HMGB1: variants seen among roughly 807,000 people sequenced by gnomAD.
HMGB1 encodes high mobility group box 1.
For synonymous variants in HMGB1, 81 were observed against 84.0 expected (o/e 0.96, Z 0.19); for missense variants, 79 against 253.5 (o/e 0.31, Z 4.67).
chr13:30,565,423 C>T (rs183740605), intron 1 of HMGB1, among the ~76,000 whole-genome samples: 1 of 152,266 alleles, frequency 6.6e-6, no homozygotes, highest in Admixed American at 6.5e-5. Flanking sequence ...AGGCATTACT[C>T]AGGGGCATAG....
Position 30,538,451 on chromosome 13 carries a change from A to ATTCTTTCTTTCTTTCT in HMGB1, c.-14-74773_-14-74758dup, listed in dbSNP as rs760828749. 4.0e-3 allele frequency among the ~76,000 whole-genome samples: 366 copies of ATTCTTTCTTTCTTTCT among 90,644 alleles called. 49 individuals carry two copies. The highest frequency in any genetic ancestry group is 0.014 in the African/African-American group (255 of 17,724). 59.5% of individuals were successfully genotyped at this position (90,644 alleles called of 152,430 possible). On this transcript the variant is annotated intron_variant, in intron 1 of 4. Transcript: ENST00000405805. ...ACCACTGCAGTAACTAGTACTAGCA[A>ATTCTTTCTTTCTTTCT]TTCTTTCTTTCTTTCTTTCTTTCTT...
At chr13:30,478,949 AC>A (rs1887166067) in intron 1 of HMGB1, among the ~76,000 whole-genome samples, 4 of 149,988 alleles carry the variant, frequency 2.7e-5, no homozygotes, top group Non-Finnish European at 4.4e-5. Flanking sequence ...GCTCACTGCA[AC>A]CTCTGCCTCC....
intron 1 of HMGB1, among the ~76,000 whole-genome samples, chr13:30,575,714 G>C (rs1283644848): frequency 1.3e-5 from 2 of 152,098 alleles, no homozygotes; most frequent in Non-Finnish European, 2.9e-5. Context: ...CTAATGTGGG[G>C]TTAGTCAATG....
intron 1 of HMGB1, among the ~76,000 whole-genome samples, chr13:30,510,488 C>A (rs1390379169): frequency 6.6e-6 from 1 of 152,196 alleles, no homozygotes; most frequent in Non-Finnish European, 1.5e-5. Context: ...CCTCTGGAAT[C>A]CGTTACTAAA....
At chr13:30,528,491 C>G (rs1275612947) in intron 1 of HMGB1, among the ~76,000 whole-genome samples, 1 of 152,216 alleles carries the variant, frequency 6.6e-6, no homozygotes, top group East Asian at 1.9e-4. Flanking sequence ...TTTACACAAA[C>G]TTGTGAGGTC....
At chr13:30,519,408 T>A (rs6490467) in intron 1 of HMGB1, among the ~76,000 whole-genome samples, 48,330 of 137,464 alleles carry the variant, frequency 0.35, 8,974 homozygotes, top group African/African-American at 0.52. Flanking sequence ...AAAAAAAAAG[T>A]AAAAAGGCCG....
intron 1 of HMGB1, among the ~76,000 whole-genome samples, chr13:30,489,355 T>C (rs1446900169): frequency 1.3e-5 from 2 of 152,086 alleles, no homozygotes; most frequent in Non-Finnish European, 2.9e-5. Flanking sequence ...ACAAAAAAAC[T>C]CTTATTGAAG....
At chr13:30,487,634 C>T (rs1485562062) in intron 1 of HMGB1, among the ~76,000 whole-genome samples, 1 of 152,194 alleles carries the variant, frequency 6.6e-6, no homozygotes, top group African/African-American at 2.4e-5. Flanking sequence ...CCATTTCCTC[C>T]CCTTTTTCTT....
intron 1 of HMGB1, among the ~76,000 whole-genome samples, chr13:30,526,649 GACAGTGCTTGGCAC>G (rs1888374687): frequency 2.0e-5 from 3 of 152,202 alleles, no homozygotes; most frequent in Admixed American, 6.5e-5. Flanking sequence ...CGAGGAACCT[GACAGTGCTTGGCAC>G]ACAGCAAGAC....
At chr13:30,519,448 C>T (rs1238618297) in intron 1 of HMGB1, among the ~76,000 whole-genome samples, 1 of 151,072 alleles carries the variant, frequency 6.6e-6, no homozygotes. Flanking sequence ...GTAATCCCAG[C>T]ACTTTGGGAG....
rs190821221 is a variant in HMGB1, at chr13:30,486,069, A to T, written c.-14-22375T>A. Among the ~76,000 whole-genome samples the T allele has an allele frequency of 2.6e-5, 4 of 152,282 alleles. No homozygotes were observed. The East Asian group carries it at 7.7e-4, about 29-fold the overall frequency. On this transcript the variant is annotated intron_variant, in intron 1 of 4. Coordinates refer to the HMGB1 transcript ENST00000405805. ...CTGATGATAGAGGCCCAAGATAGGG[A>T]TGTTGGAGACAAGGCCAGATAAATA...
intron 1 of HMGB1, among the ~76,000 whole-genome samples, chr13:30,601,246 T>C (rs1404955862): frequency 6.6e-6 from 1 of 152,222 alleles, no homozygotes; most frequent in Admixed American, 6.5e-5. Flanking sequence ...GAAGTAATGA[T>C]AATCCACCAC....
chr13:30,495,682 G>A (rs373438597), intron 1 of HMGB1, among the ~76,000 whole-genome samples: 9 of 152,122 alleles, frequency 5.9e-5, no homozygotes, highest in African/African-American at 1.9e-4. Context: ...GTTTCACCGT[G>A]TTAGCCAGGA....
chr13:30,530,237 G>C (rs1164277179), intron 1 of HMGB1, among the ~76,000 whole-genome samples: 1 of 152,058 alleles, frequency 6.6e-6, no homozygotes, highest in Non-Finnish European at 1.5e-5. Flanking sequence ...TTACCTTCAG[G>C]CTACCTGTAT....
chr13:30,568,679 A>G (rs1256189766), intron 1 of HMGB1, among the ~76,000 whole-genome samples: 1 of 152,148 alleles, frequency 6.6e-6, no homozygotes, highest in Admixed American at 6.5e-5. Flanking sequence ...GGAAGCATAG[A>G]TGCAGTTACA....
chr13:30,465,143 G>T, intron 1 of HMGB1: 1 of 968,784 alleles, frequency 1.0e-6, no homozygotes, highest in Non-Finnish European at 1.2e-6. Flanking sequence ...CGCCGGGCCC[G>T]AGTCAGCCAT....
At position 30,568,176 on chromosome 13, in the gene HMGB1, C is replaced by T. The variant is rs960656149; in HGVS notation, c.-15+48495G>A. ...TGGTGGTCCCCCAAAAAGATATGTC[C>T]ATGTGTTAACCCTGGAAACTGTGGA... On this transcript the variant is annotated intron_variant, in intron 1 of 4. Coordinates refer to the HMGB1 transcript ENST00000405805. Among the ~76,000 whole-genome samples the T allele has an allele frequency of 2.0e-5, 3 of 152,142 alleles. No individual in the cohort carries two copies. The East Asian group carries it at 5.8e-4, about 29-fold the overall frequency.
chr13:30,514,356 T>TTC (rs1888057421), intron 1 of HMGB1, among the ~76,000 whole-genome samples: 1 of 150,034 alleles, frequency 6.7e-6, no homozygotes. Context: ...TTCAATCTTT[T>TTC]TTTTTTTTTT....
chr13:30,531,937 A>G (rs1321621924), intron 1 of HMGB1, among the ~76,000 whole-genome samples: 1 of 151,864 alleles, frequency 6.6e-6, no homozygotes, highest in African/African-American at 2.4e-5. Context: ...TAATAAATAA[A>G]ACATTTTACA....
Sources: allele counts gnomAD v4.1 joint callset (sites outside exome capture counted in the v4.1 genomes callset), GRCh38; gene constraint gnomAD v4.1.1; transcripts MANE v1.5; gene names NCBI Gene and HGNC (gene_info 2026-07-23, HGNC 2026-07-21).